Variants in RRM2B observed in about 807,000 individuals in gnomAD.
RRM2B encodes the protein ribonucleoside-diphosphate reductase subunit M2 B.
A neutral mutation model predicts 45.9 loss-of-function variants in RRM2B; 20 were observed. The ratio of observed to expected loss-of-function variants is 0.44; its 90% CI spans 0.31 to 0.63. The LOEUF is 0.63. Ranked by LOEUF, RRM2B falls within the 30% of genes least tolerant of loss-of-function variation. RRM2B has a pLI of 0.09. For synonymous variants in RRM2B, 124 were observed against 132.3 expected, an observed-to-expected ratio of 0.94 and a Z score of 0.43; for missense variants, 320 against 414.7, an observed-to-expected ratio of 0.77 and a Z score of 1.98.
intron 2 of RRM2B, among the ~76,000 whole-genome samples, chr8:102,227,133 C>T (rs1281488909): frequency 3.3e-5 from 5 of 151,794 alleles, no homozygotes; most frequent in Non-Finnish European, 7.4e-5. Context: ...CAGGTGTGAG[C>T]CATCACAGGT....
chr8:102,238,961 T>G lies in RRM2B; in HGVS notation c.-87A>C. The G allele has an allele frequency of 8.4e-6, 12 of 1,421,368 alleles. No individual in the cohort carries two copies. The highest frequency in any genetic ancestry group is 1.1e-5 in the Non-Finnish European group (11 of 1,026,794). 88.0% of individuals were successfully genotyped at this position (1,421,368 alleles called of 1,614,324 possible). ...CTACGACAGCACCCAGGTGGTCCGCTGGTCCGCTGGGTCCGCCCCGCCCCC... is the reference window on the plus strand; with the variant it reads ...CTACGACAGCACCCAGGTGGTCCGCGGGTCCGCTGGGTCCGCCCCGCCCCC... On this transcript the variant is annotated 5_prime_UTR_variant, in exon 1 of 9. Transcript: ENST00000251810.
At position 102,238,927 on chromosome 8, in the gene RRM2B, C is replaced by A. The variant is rs1192939468; in HGVS notation, c.-53G>T. 10 of 1,585,858 alleles carry A rather than the reference C, an allele frequency of 6.3e-6. No homozygotes were observed. The highest frequency in any genetic ancestry group is 1.7e-4 in the Middle Eastern group (1 of 6,052). On this transcript the variant is annotated 5_prime_UTR_variant, in exon 1 of 9. Coordinates refer to ENST00000251810, the MANE Select transcript of RRM2B (RefSeq NM_015713.5). ...GCTGAGGGAACTGAGCTCCTCAGGC[C>A]ACCTCCAACTACGACAGCACCCAGG...
intron 1 of RRM2B, among the ~76,000 whole-genome samples, chr8:102,236,993 T>G (rs1206507334): frequency 6.6e-6 from 1 of 150,712 alleles, no homozygotes; most frequent in Admixed American, 6.5e-5. Context: ...ATGTCTCTTC[T>G]ACTTCTGTAA....
chr8:102,210,863 T>G (rs539784316), intron 8 of RRM2B, among the ~76,000 whole-genome samples: 507 of 152,304 alleles, frequency 3.3e-3, no homozygotes, highest in Non-Finnish European at 5.1e-3. Context: ...GCCTCCGAAG[T>G]GCTGGGATTA....
chr8:102,214,377 G>A, intron 6 of RRM2B: 1 of 549,132 alleles, frequency 1.8e-6, no homozygotes, highest in South Asian at 1.8e-5. Flanking sequence ...GCAAATCTTA[G>A]TTCATCAACA....
intron 1 of RRM2B, chr8:102,238,595 C>A: frequency 6.5e-7 from 1 of 1,527,174 alleles, no homozygotes; most frequent in Non-Finnish European, 8.8e-7. Flanking sequence ...CCTTGGCTGG[C>A]CCCGGGGCAG....
chr8:102,229,792 C>A (rs1330907887), intron 2 of RRM2B, among the ~76,000 whole-genome samples: 1 of 152,106 alleles, frequency 6.6e-6, no homozygotes, highest in South Asian at 2.1e-4. Context: ...ACCATGTTGT[C>A]CAGGTTGGTC....
intron 8 of RRM2B, among the ~76,000 whole-genome samples, chr8:102,212,559 G>C (rs754696035): frequency 6.6e-6 from 1 of 151,998 alleles, no homozygotes; most frequent in Non-Finnish European, 1.5e-5. Context: ...AATTTATTGA[G>C]CTTATTAGTT....
At chr8:102,221,618 G>C (rs1810837590) in intron 5 of RRM2B, among the ~76,000 whole-genome samples, 1 of 152,070 alleles carries the variant, frequency 6.6e-6, no homozygotes, top group African/African-American at 2.4e-5. Context: ...CACAATTTTA[G>C]AACATGTTCT....
intron 1 of RRM2B, 31 bp downstream of exon 1, chr8:102,238,796 G>T: frequency 6.2e-7 from 1 of 1,613,770 alleles, no homozygotes; most frequent in Admixed American, 1.7e-5. Context: ...CGTGACTGCG[G>T]TGAGGGGGAA....
At position 102,212,784 on chromosome 8, in the gene RRM2B, A is replaced by T; in HGVS notation, c.895T>A (p.Phe299Ile). The T allele has an allele frequency of 6.4e-7, 1 of 1,568,094 alleles. No homozygotes were observed. The highest frequency in any genetic ancestry group is 8.8e-7 in the Non-Finnish European group (1 of 1,138,304). Residue 299 changes from phenylalanine (F) to isoleucine (I), a missense_variant, in exon 8 of 9, where the codon TTC becomes ATC. Transcript: ENST00000251810. ...ATTTTTAAACACATTACCTTTGAGA[A>T]TCCAAGTTCCACAAGTAATCTGTCA... ...VADRLLVELGFSKVFQAENPF... is the reference protein window; with the variant it reads ...VADRLLVELGISKVFQAENPF...
At chr8:102,219,113 A>G in intron 5 of RRM2B, 166 bp from the exon 6 acceptor site, 1 of 678,006 alleles carries the variant, frequency 1.5e-6, no homozygotes. Flanking sequence ...CGCCACCTCT[A>G]CCTACTGGAG....
chr8:102,231,433 G>T (rs1811026935), intron 2 of RRM2B, among the ~76,000 whole-genome samples: 1 of 152,178 alleles, frequency 6.6e-6, no homozygotes, highest in Admixed American at 6.5e-5. Flanking sequence ...TGTACAATCA[G>T]ATAAATCTCT....
chr8:102,235,641 C>G (rs989382708), intron 1 of RRM2B, among the ~76,000 whole-genome samples: 2 of 152,114 alleles, frequency 1.3e-5, no homozygotes, highest in Non-Finnish European at 2.9e-5. Context: ...GAGATTGAGA[C>G]CATCCTGGCC....
chr8:102,224,747 A>G, intron 4 of RRM2B, 138 bp downstream of exon 4: 1 of 854,446 alleles, frequency 1.2e-6, no homozygotes, highest in South Asian at 1.6e-5. Flanking sequence ...CCAATACATT[A>G]TTAAGCAATA....
At position 102,228,923 on chromosome 8, in the gene RRM2B, T is replaced by C. The variant is rs536137819; in HGVS notation, c.205-2889A>G. 2.6e-5 allele frequency among the ~76,000 whole-genome samples: 4 copies of C among 152,376 alleles called. No individual in the cohort carries two copies. The South Asian group carries it at 6.2e-4, about 24-fold the overall frequency. On this transcript the variant is annotated intron_variant, in intron 2 of 8. Transcript: ENST00000251810. Reference sequence around the variant, plus strand: ...ATTAACTTCATGAACAGTTGAAATATGTAATTGTCTTTGTCTTTTGCCTTT... The same window carrying C: ...ATTAACTTCATGAACAGTTGAAATACGTAATTGTCTTTGTCTTTTGCCTTT...
intron 1 of RRM2B, among the ~76,000 whole-genome samples, chr8:102,237,334 A>G (rs1031735652): frequency 1.3e-5 from 2 of 152,182 alleles, no homozygotes; most frequent in African/African-American, 4.8e-5. Context: ...CTATCTATGG[A>G]CCCTTTAAGA....
At chr8:102,215,854 A>T (rs1429475995) in intron 6 of RRM2B, among the ~76,000 whole-genome samples, 1 of 148,290 alleles carries the variant, frequency 6.7e-6, no homozygotes, top group East Asian at 2.1e-4. Flanking sequence ...CTGAGGTGGG[A>T]GGACTGCTTG....
rs773635687 is a variant in RRM2B, at chr8:102,218,949, T to A, written c.551-2A>T. On this transcript the variant is annotated splice_acceptor_variant, in intron 5 of 8. Coordinates refer to ENST00000251810, the MANE Select transcript of RRM2B (RefSeq NM_015713.5). LOFTEE classifies it high-confidence loss of function. ...CAGCAAAGGCCACCACTCTTTCCCC[T>A]GGGAGACATAAAATCGTTTCAATTT... is the stretch of plus-strand genomic sequence containing the variant. The A allele has an allele frequency of 6.2e-7, 1 of 1,613,146 alleles. No individual in the cohort carries two copies. Among genetic ancestry groups the A allele is most frequent in the Non-Finnish European group, 8.5e-7 (1 of 1,179,284 alleles).
Sources: allele counts gnomAD v4.1 joint callset (sites outside exome capture counted in the v4.1 genomes callset), GRCh38; gene constraint gnomAD v4.1.1; transcripts MANE v1.5; gene names NCBI Gene and HGNC (gene_info 2026-07-23, HGNC 2026-07-21).